DIS3L2: variants seen among roughly 807,000 people sequenced by gnomAD.
DIS3L2 encodes the protein DIS3 like 3'-5' exoribonuclease 2.
DIS3L2 carries 34 observed loss-of-function variants against 97.5 expected under a neutral mutation model. That is an observed-to-expected ratio of 0.35 (90% CI 0.27 to 0.46). DIS3L2 has a LOEUF of 0.46. Among genes scored for constraint, DIS3L2 ranks in the 20% least tolerant of loss-of-function variants. The pLI is 1.00. For missense variants in DIS3L2, 1,038 were observed against 1,146.0 expected (o/e 0.91, Z 1.36); for synonymous variants, 435 against 445.2 (o/e 0.98, Z 0.29).
chr2:231,962,714 C>T (rs1156347132), intron 1 of DIS3L2, among the ~76,000 whole-genome samples: 1 of 152,146 alleles, frequency 6.6e-6, no homozygotes, highest in Non-Finnish European at 1.5e-5. Context: ...GGATTACAGG[C>T]GTGAGCCACC....
chr2:232,301,460 C>T (rs1017630926), intron 14 of DIS3L2, among the ~76,000 whole-genome samples: 2 of 152,166 alleles, frequency 1.3e-5, no homozygotes, highest in Non-Finnish European at 2.9e-5. Context: ...TGTCTATGAC[C>T]TTCCAGAAGA....
intron 13 of DIS3L2, among the ~76,000 whole-genome samples, chr2:232,342,256 C>T (rs1477029877): frequency 8.5e-6 from 1 of 117,294 alleles, no homozygotes; most frequent in African/African-American, 3.8e-5. Context: ...TATACACATA[C>T]ACACATACAC....
At chr2:231,998,415 A>G (rs1394992472) in intron 1 of DIS3L2, among the ~76,000 whole-genome samples, 1 of 152,268 alleles carries the variant, frequency 6.6e-6, no homozygotes, top group Non-Finnish European at 1.5e-5. Context: ...TAATACCATT[A>G]CAATGACAAT....
At chr2:232,274,214 A>T (rs939662694) in intron 13 of DIS3L2, among the ~76,000 whole-genome samples, 3 of 152,138 alleles carry the variant, frequency 2.0e-5, no homozygotes, top group African/African-American at 7.2e-5. Context: ...CAGAGATGTG[A>T]ACCTTTCAAG....
chr2:232,223,827 G>T (rs1422608610), intron 10 of DIS3L2, among the ~76,000 whole-genome samples: 1 of 152,170 alleles, frequency 6.6e-6, no homozygotes, highest in Non-Finnish European at 1.5e-5. Flanking sequence ...AGTGGCTCAC[G>T]CCTGTAATCC....
chr2:232,133,464 C>T (rs1267498423), intron 7 of DIS3L2, among the ~76,000 whole-genome samples: 3 of 152,170 alleles, frequency 2.0e-5, no homozygotes, highest in Non-Finnish European at 4.4e-5. Flanking sequence ...CCCAGAGTGT[C>T]TTAACATGAT....
chr2:232,012,798 C>T (rs1255331667), intron 1 of DIS3L2, among the ~76,000 whole-genome samples: 2 of 152,126 alleles, frequency 1.3e-5, no homozygotes, highest in Non-Finnish European at 2.9e-5. Context: ...AATGATGTCA[C>T]GGGGAAGGGA....
chr2:232,036,887 C>A (rs765117809), intron 5 of DIS3L2, among the ~76,000 whole-genome samples: 2 of 152,220 alleles, frequency 1.3e-5, no homozygotes, highest in Non-Finnish European at 2.9e-5. Flanking sequence ...CTCCTCCTTC[C>A]TCTGGAAGCT....
At chr2:232,127,987 G>A (rs1184249922) in intron 6 of DIS3L2, among the ~76,000 whole-genome samples, 1 of 151,892 alleles carries the variant, frequency 6.6e-6, no homozygotes, top group Non-Finnish European at 1.5e-5. Flanking sequence ...GGCTCACTGC[G>A]TCGCCAAGGC....
chr2:231,986,282 A>G (rs1693412898), intron 1 of DIS3L2, among the ~76,000 whole-genome samples: 1 of 152,156 alleles, frequency 6.6e-6, no homozygotes, highest in Admixed American at 6.5e-5. Flanking sequence ...AGTTTTCCTT[A>G]ATAAACTCCC....
intron 9 of DIS3L2, among the ~76,000 whole-genome samples, chr2:232,203,656 C>G (rs1335913155): frequency 6.6e-6 from 1 of 152,208 alleles, no homozygotes; most frequent in Non-Finnish European, 1.5e-5. Context: ...GGCTCCCAGC[C>G]TGTCACAGCG....
intron 11 of DIS3L2, among the ~76,000 whole-genome samples, chr2:232,241,767 G>C (rs558972556): frequency 9.2e-5 from 14 of 152,254 alleles, no homozygotes; most frequent in African/African-American, 3.4e-4. Flanking sequence ...TGTCTTCTCT[G>C]GGAGATAAAT....
chr2:232,120,475 A>C (rs930395316), intron 6 of DIS3L2, among the ~76,000 whole-genome samples: 4 of 152,148 alleles, frequency 2.6e-5, no homozygotes, highest in Non-Finnish European at 5.9e-5. Context: ...GAGAATATTA[A>C]ATGTGGTATG....
downstream of DIS3L2, chr2:232,339,797 A>G: frequency 2.2e-6 from 1 of 448,498 alleles, no homozygotes. Context: ...TGCAGCTGTG[A>G]CCTGCCCGGC....
intron 6 of DIS3L2, among the ~76,000 whole-genome samples, chr2:232,126,126 T>TC (rs1391330066): frequency 6.6e-6 from 1 of 152,182 alleles, no homozygotes; most frequent in East Asian, 1.9e-4. Flanking sequence ...CTTTCTAAGA[T>TC]CTCTGCTACC....
intron 14 of DIS3L2, among the ~76,000 whole-genome samples, chr2:232,309,021 G>C (rs540523417): frequency 6.6e-6 from 1 of 152,274 alleles, no homozygotes; most frequent in East Asian, 1.9e-4. Flanking sequence ...AACAGGGGCA[G>C]GCCCGGGGCT....
rs1693772966 is a variant in DIS3L2, at chr2:232,263,446, T to C, written c.1659+6T>C. On this transcript the variant is annotated splice_donor_region_variant and intron_variant, in intron 13 of 20. Transcript: ENST00000325385. The stretch of plus-strand genomic sequence containing the variant: ...GCGCACTTCGTTTGGATCAGGTCAG[T>C]ACGTGTTTTTTTAGTGTAGCCAACA... 6.2e-7 allele frequency: 1 copy of C among 1,614,044 alleles called. No individual in the cohort carries two copies. The highest frequency in any genetic ancestry group is 1.3e-5 in the African/African-American group (1 of 75,058).
At chr2:232,249,910 A>T (rs11695969) in intron 12 of DIS3L2, among the ~76,000 whole-genome samples, 1,819 of 152,348 alleles carry the variant, frequency 0.012, 17 homozygotes, top group Non-Finnish European at 0.018. Context: ...GCTATAATCA[A>T]GGCACAAGGT....
intron 3 of DIS3L2, 143 bp downstream of exon 3, chr2:232,015,814 A>G (rs1694340353): frequency 1.2e-6 from 1 of 837,808 alleles, no homozygotes; most frequent in Admixed American, 2.7e-5. Flanking sequence ...CATAACAGAG[A>G]TGATGAGGTA....
Sources: gnomAD v4.1 joint callset for allele counts (sites outside exome capture counted in the v4.1 genomes callset) on GRCh38, gnomAD v4.1.1 for gene constraint, MANE v1.5 for transcripts, NCBI Gene and HGNC (gene_info 2026-07-23, HGNC 2026-07-21) for gene names.